DOCK3: variants seen among roughly 807,000 people sequenced by gnomAD.
The protein encoded by DOCK3 is dedicator of cytokinesis protein 3.
Under a neutral mutation model 265.6 loss-of-function variants are expected in DOCK3, and 60 were observed. That is an observed-to-expected ratio of 0.23 (90% CI 0.18 to 0.28). The LOEUF is 0.28. DOCK3 is among the 10% of genes least tolerant of loss of function. The pLI is 1.00. For synonymous variants in DOCK3, 881 were observed against 938.0 expected (o/e 0.94, Z 1.11); for missense variants, 1,981 against 2,594.3 (o/e 0.76, Z 5.14).
Position 51,144,835 on chromosome 3 carries a change from A to G in DOCK3, c.747-1714A>G, listed in dbSNP as rs1375180411. On this transcript the variant is annotated intron_variant, in intron 9 of 52. Coordinates refer to ENST00000266037, the MANE Select transcript of DOCK3 (RefSeq NM_004947.5). ...TACACGAACAAACTAAACTGATACT[A>G]CATATATTCCATGAGTACATGACCA... is the stretch of plus-strand genomic sequence containing the variant. 2.0e-5 allele frequency among the ~76,000 whole-genome samples: 3 copies of G among 152,314 alleles called. No individual in the cohort carries two copies. The South Asian group carries it at 6.2e-4, about 32-fold the overall frequency.
At chr3:50,726,334 A>AAT (rs778522926) in intron 1 of DOCK3, among the ~76,000 whole-genome samples, 1 of 152,146 alleles carries the variant, frequency 6.6e-6, no homozygotes, top group Non-Finnish European at 1.5e-5. Flanking sequence ...GAGACTGAAA[A>AAT]ATCTAGGAAG....
chr3:51,016,979 T>TGTTC (rs1298661019), intron 5 of DOCK3, among the ~76,000 whole-genome samples: 1 of 1,804 alleles, frequency 5.5e-4, no homozygotes, highest in Non-Finnish European at 8.6e-4. Context: ...TATAAATAAA[T>TGTTC]GGTAAAATTT....
At chr3:50,886,275 C>G (rs1256851370) in intron 3 of DOCK3, among the ~76,000 whole-genome samples, 1 of 150,306 alleles carries the variant, frequency 6.7e-6, no homozygotes, top group Non-Finnish European at 1.5e-5. Flanking sequence ...TTTATTTCAT[C>G]TTCCCAGAAG....
chr3:51,357,716 G>A lies in DOCK3; in HGVS notation c.4684-42G>A. ...TCTCCTGGGCCCCACTTAAGTAGTA[G>A]TCCTGGGAAGAGTCTTCCTGACTTG... On this transcript the variant is annotated intron_variant, in intron 44 of 52. Coordinates refer to ENST00000266037, the MANE Select transcript of DOCK3 (RefSeq NM_004947.5). The A allele has an allele frequency of 4.4e-6, 7 of 1,607,588 alleles. No individual in the cohort carries two copies. In the South Asian group the frequency reaches 7.7e-5, roughly 18 times the overall value.
intron 5 of DOCK3, among the ~76,000 whole-genome samples, chr3:51,041,189 TATATATATATATA>T (rs1244943096): frequency 1.4e-3 from 23 of 16,946 alleles, no homozygotes; most frequent in East Asian, 2.7e-3. Flanking sequence ...TATATATATA[TATATATATATATA>T]TATTTTTTTT....
intron 3 of DOCK3, among the ~76,000 whole-genome samples, chr3:50,844,532 A>G (rs1559714022): frequency 6.6e-6 from 1 of 152,132 alleles, no homozygotes. Context: ...GCACTTAGAT[A>G]TATAAGTAAA....
At chr3:51,147,448 C>T (rs993179874) in intron 10 of DOCK3, among the ~76,000 whole-genome samples, 11 of 152,122 alleles carry the variant, frequency 7.2e-5, no homozygotes, top group African/African-American at 2.7e-4. Flanking sequence ...CCCATTAACT[C>T]GTGATTTACA....
intron 9 of DOCK3, among the ~76,000 whole-genome samples, chr3:51,103,333 A>G (rs189300297): frequency 1.1e-4 from 17 of 152,346 alleles, no homozygotes; most frequent in Admixed American, 1.0e-3. Context: ...CAAAAAAGGG[A>G]ATAGAACAGA....
At chr3:50,831,381 C>T (rs1576579260) in intron 2 of DOCK3, among the ~76,000 whole-genome samples, 2 of 152,170 alleles carry the variant, frequency 1.3e-5, no homozygotes, top group South Asian at 4.2e-4. Flanking sequence ...CTTCCCTAGT[C>T]CCCCACCCTC....
At chr3:51,147,926 A>G (rs2085382697) in intron 10 of DOCK3, among the ~76,000 whole-genome samples, 1 of 152,196 alleles carries the variant, frequency 6.6e-6, no homozygotes, top group Non-Finnish European at 1.5e-5. Context: ...ACTATCTTCC[A>G]CAATGGTTGA....
rs2108926626 is a variant in DOCK3 at position 51,275,065 on chromosome 3, ATT to A, written c.2549-11_2549-10del. The A allele has an allele frequency of 6.2e-7, 1 of 1,613,580 alleles. No homozygotes were observed. Among genetic ancestry groups the A allele is most frequent in the Non-Finnish European group, 8.5e-7 (1 of 1,179,762 alleles). ...CCTCTAAAGTTTTCTTCACCTTTGT[ATT>A]TTCTCTCCCAGAATCCCGCCGCATC... On this transcript the variant is annotated splice_polypyrimidine_tract_variant and intron_variant, in intron 24 of 52. Coordinates refer to ENST00000266037, the MANE Select transcript of DOCK3 (RefSeq NM_004947.5).
chr3:50,938,001 A>G (rs1387826904), intron 5 of DOCK3, among the ~76,000 whole-genome samples: 3 of 152,080 alleles, frequency 2.0e-5, no homozygotes, highest in Non-Finnish European at 4.4e-5. Context: ...ACTTGTCTAT[A>G]TGATGATGTA....
chr3:51,086,813 A>G (rs1457776410), intron 7 of DOCK3, among the ~76,000 whole-genome samples: 3 of 152,180 alleles, frequency 2.0e-5, no homozygotes, highest in Non-Finnish European at 4.4e-5. Flanking sequence ...AAAACAAAAC[A>G]AAACAAGGAA....
chr3:51,338,676 C>A lies in DOCK3; in HGVS notation c.3672+257C>A, dbSNP rs547151861. On this transcript the variant is annotated intron_variant, in intron 36 of 52. Coordinates refer to ENST00000266037, the MANE Select transcript of DOCK3 (RefSeq NM_004947.5). ...AAGGACCCACTAACCCTGACATACC[C>A]AATTCACAGTCAACCCTGACTCCTG... Among the ~76,000 whole-genome samples the A allele has an allele frequency of 1.2e-4, 18 of 152,348 alleles. No homozygotes were observed. The South Asian group carries it at 1.2e-3, about 11-fold the overall frequency.
chr3:50,951,222 T>C (rs1280759767), intron 5 of DOCK3, among the ~76,000 whole-genome samples: 3 of 152,164 alleles, frequency 2.0e-5, no homozygotes, highest in Non-Finnish European at 4.4e-5. Flanking sequence ...GTAACTAAAG[T>C]GACTTGGTAA....
intron 5 of DOCK3, among the ~76,000 whole-genome samples, chr3:51,004,852 A>G (rs1575730508): frequency 6.7e-6 from 1 of 148,826 alleles, no homozygotes; most frequent in East Asian, 2.0e-4. Context: ...TTCCCATAGT[A>G]TTCTTACTCT....
At chr3:50,722,226 C>G (rs1009928100) in intron 1 of DOCK3, among the ~76,000 whole-genome samples, 7 of 152,142 alleles carry the variant, frequency 4.6e-5, no homozygotes, top group Non-Finnish European at 8.8e-5. Context: ...GGGTGATTTC[C>G]TGAAGTACAG....
chr3:50,702,984 T>C (rs998013701), intron 1 of DOCK3, among the ~76,000 whole-genome samples: 4 of 152,218 alleles, frequency 2.6e-5, no homozygotes, highest in Admixed American at 2.0e-4. Flanking sequence ...GGGTTTGTCA[T>C]AGGTGGCTTT....
intron 9 of DOCK3, among the ~76,000 whole-genome samples, chr3:51,097,117 C>G (rs779955172): frequency 6.6e-6 from 1 of 152,230 alleles, no homozygotes. Flanking sequence ...GTCTGTCCCT[C>G]AGCAGAGCTC....
Sources: allele counts gnomAD v4.1 joint callset (sites outside exome capture counted in the v4.1 genomes callset), GRCh38; gene constraint gnomAD v4.1.1; transcripts MANE v1.5; gene names NCBI Gene and HGNC (gene_info 2026-07-23, HGNC 2026-07-21).